Variants in TAF3 observed in about 807,000 individuals in gnomAD.
TAF3 encodes the protein TATA-box binding protein associated factor 3.
A neutral mutation model predicts 80.6 loss-of-function variants in TAF3; 7 were observed. The observed-to-expected ratio is 0.09, with a 90% CI of 0.05 to 0.16. The LOEUF is 0.16. TAF3 is among the 10% of genes least tolerant of loss of function. The pLI is 1.00. For missense variants in TAF3, 921 were observed against 1,140.2 expected, an observed-to-expected ratio of 0.81 and a Z score of 2.77; for synonymous variants, 444 against 446.1, an observed-to-expected ratio of 1.00 and a Z score of 0.06.
chr10:7,871,460 T>TTTTTTTTTTTA (rs1837265584), intron 2 of TAF3, among the ~76,000 whole-genome samples: 1 of 83,384 alleles, frequency 1.2e-5, no homozygotes. Context: ...TTTTTTTTTT[T>TTTTTTTTTTTA]GAGACGGAGT....
At chr10:7,972,405 G>A (rs906429392) in intron 3 of TAF3, among the ~76,000 whole-genome samples, 10 of 152,036 alleles carry the variant, frequency 6.6e-5, no homozygotes. Context: ...CTTGTTTTTA[G>A]GAATGAAATA....
chr10:7,907,503 A>C (rs1161177628), intron 2 of TAF3, among the ~76,000 whole-genome samples: 1 of 152,256 alleles, frequency 6.6e-6, no homozygotes, highest in Non-Finnish European at 1.5e-5. Flanking sequence ...GAGTGTTAAA[A>C]ATAAGCCAAT....
At chr10:7,892,215 A>T (rs527588772) in intron 2 of TAF3, among the ~76,000 whole-genome samples, 1 of 152,160 alleles carries the variant, frequency 6.6e-6, no homozygotes, top group East Asian at 1.9e-4. Flanking sequence ...TGTCTATTTC[A>T]TAAGGACTTG....
intron 2 of TAF3, among the ~76,000 whole-genome samples, chr10:7,851,377 G>C (rs1032553692): frequency 2.0e-5 from 3 of 152,172 alleles, no homozygotes; most frequent in African/African-American, 4.8e-5. Flanking sequence ...GGAACAGGGG[G>C]TGGTTGGGGC....
intron 2 of TAF3, among the ~76,000 whole-genome samples, chr10:7,843,097 G>C (rs11255397): frequency 0.17 from 26,062 of 151,964 alleles, 2,276 homozygotes; most frequent in Admixed American, 0.23. Flanking sequence ...ATGGAACTGC[G>C]CAGAAGCTGC....
At chr10:7,985,358 G>A (rs912472076) in intron 4 of TAF3, among the ~76,000 whole-genome samples, 17 of 152,196 alleles carry the variant, frequency 1.1e-4, no homozygotes, top group South Asian at 6.2e-4. Flanking sequence ...CTGGAACTTC[G>A]TTCCCTCTCT....
At chr10:7,871,500 A>AT (rs1346715600) in intron 2 of TAF3, among the ~76,000 whole-genome samples, 3 of 120,594 alleles carry the variant, frequency 2.5e-5, no homozygotes, top group Admixed American at 1.1e-4. Flanking sequence ...CTAGAGTGCA[A>AT]TGGTGTGATC....
intron 2 of TAF3, among the ~76,000 whole-genome samples, chr10:7,896,875 G>T (rs1837509143): frequency 6.6e-6 from 1 of 152,148 alleles, no homozygotes; most frequent in Admixed American, 6.5e-5. Context: ...GTCGAGCCCA[G>T]ATGTCAGCCC....
intron 4 of TAF3, among the ~76,000 whole-genome samples, chr10:8,008,823 C>G (rs576893616): frequency 2.0e-5 from 3 of 152,278 alleles, no homozygotes; most frequent in Non-Finnish European, 4.4e-5. Context: ...TTTCTGTGAA[C>G]AATGCATGTG....
At chr10:7,975,624 A>G (rs1001675468) in intron 3 of TAF3, among the ~76,000 whole-genome samples, 3 of 152,210 alleles carry the variant, frequency 2.0e-5, no homozygotes, top group Non-Finnish European at 4.4e-5. Flanking sequence ...ATAATTCAAC[A>G]AATGTCTGCC....
In TAF3 at chr10:8,009,100, GC is replaced by G; in HGVS notation, c.2343del (p.Glu782ArgfsTer67). 6.2e-7 allele frequency: 1 copy of G among 1,601,278 alleles called. No individual in the cohort carries two copies. On this transcript the variant is annotated frameshift_variant, in exon 5 of 7. Transcript: ENST00000344293. LOFTEE classifies it high-confidence loss of function. This position sits in a 1 kb window ranked among gnomAD's most constrained non-coding sequence, Gnocchi z 4.1. ...CAGTGTCATCAGCAAGGTGGTCCCTGCCCCCGAGGCCAAGCCGGCGCCCTCG... is the reference window on the plus strand; with the variant it reads ...CAGTGTCATCAGCAAGGTGGTCCCTGCCCCGAGGCCAAGCCGGCGCCCTCG... The part of the protein sequence containing the change: ...DKIVISKVVP[A>X]PEAKPAPSQN...
intron 4 of TAF3, among the ~76,000 whole-genome samples, chr10:7,986,793 T>A (rs1271630343): frequency 6.6e-6 from 1 of 152,046 alleles, no homozygotes; most frequent in Admixed American, 6.6e-5. Context: ...TACCTTCAGC[T>A]AAGAAACAGG....
At chr10:7,841,558 A>G (rs190957362) in intron 2 of TAF3, among the ~76,000 whole-genome samples, 9 of 152,228 alleles carry the variant, frequency 5.9e-5, no homozygotes, top group African/African-American at 2.2e-4. Flanking sequence ...GGATGATTTC[A>G]TTATAAATTC....
chr10:8,003,683 C>A (rs951458687), intron 4 of TAF3, among the ~76,000 whole-genome samples: 1 of 152,178 alleles, frequency 6.6e-6, no homozygotes, highest in African/African-American at 2.4e-5. Flanking sequence ...TCCAAAAAAT[C>A]TTTTAAAATA....
At chr10:7,905,698 A>G (rs962290984) in intron 2 of TAF3, among the ~76,000 whole-genome samples, 8 of 152,024 alleles carry the variant, frequency 5.3e-5, no homozygotes, top group African/African-American at 1.9e-4. Context: ...TGGCCAACAT[A>G]GTGAAACCCC....
intron 3 of TAF3, among the ~76,000 whole-genome samples, chr10:7,968,914 G>A (rs1588570939): frequency 6.6e-6 from 1 of 152,214 alleles, no homozygotes; most frequent in Admixed American, 6.5e-5. Context: ...GGTGAGTTGT[G>A]CAAGCTTTTA....
intron 2 of TAF3, among the ~76,000 whole-genome samples, chr10:7,847,525 G>T (rs1224091700): frequency 6.6e-6 from 1 of 152,084 alleles, no homozygotes; most frequent in Non-Finnish European, 1.5e-5. Context: ...GCTCCCTGAA[G>T]CCCTGACTTC....
intron 2 of TAF3, among the ~76,000 whole-genome samples, chr10:7,925,814 A>AAAAAAAAAAG (rs1564364693): frequency 7.5e-6 from 1 of 133,286 alleles, no homozygotes; most frequent in South Asian, 2.3e-4. Flanking sequence ...AAAAAAAAAG[A>AAAAAAAAAAG]AAAGAAAAGA....
chr10:7,948,956 A>G (rs767815797), intron 2 of TAF3, among the ~76,000 whole-genome samples: 5 of 152,256 alleles, frequency 3.3e-5, no homozygotes, highest in Non-Finnish European at 5.9e-5. Flanking sequence ...GTGTAGGAAC[A>G]GCTTCCTCAG....
Sources: gnomAD v4.1 joint callset for allele counts (sites outside exome capture counted in the v4.1 genomes callset) on GRCh38, gnomAD v4.1.1 for gene constraint, Gnocchi (gnomAD v3.1) non-coding constraint, MANE v1.5 for transcripts, NCBI Gene and HGNC (gene_info 2026-07-23, HGNC 2026-07-21) for gene names.